Variants in SYNGR4 observed in about 807,000 individuals in gnomAD.
SYNGR4 encodes the protein synaptogyrin 4, also known as synaptogyrin-4.
In SYNGR4, 15 loss-of-function variants were observed where a neutral mutation model predicts 15.5. The ratio of observed to expected loss-of-function variants is 0.97; its 90% CI spans 0.65 to 1.49. SYNGR4 has a LOEUF of 1.49. SYNGR4 is among the 40% of genes most tolerant of loss of function. The probability of loss-of-function intolerance (pLI) is 0.00; values close to 1 mark genes in which losing one functional copy is unlikely to be tolerated. For synonymous variants in SYNGR4, 121 were observed against 127.4 expected (o/e 0.95, Z 0.34); for missense variants, 292 against 299.3 (o/e 0.98, Z 0.18).
intron 2 of SYNGR4, chr19:48,373,281 A>T: frequency 1.9e-6 from 1 of 539,326 alleles, no homozygotes; most frequent in Non-Finnish European, 3.4e-6. Context: ...GGAGGTGGGG[A>T]GGCTGGGAGG....
At chr19:48,367,228 C>T (rs1377216214) in intron 2 of SYNGR4, among the ~76,000 whole-genome samples, 1 of 151,602 alleles carries the variant, frequency 6.6e-6, no homozygotes, top group Admixed American at 6.6e-5. Context: ...GTGAGGAGAT[C>T]GAGACCATCC....
At chr19:48,369,099 C>T (rs116431111) in intron 2 of SYNGR4, among the ~76,000 whole-genome samples, 3,367 of 152,222 alleles carry the variant, frequency 0.022, 122 homozygotes, top group African/African-American at 0.076. Flanking sequence ...CGGACTTTGC[C>T]CGCCGCCTCC....
intron 2 of SYNGR4, among the ~76,000 whole-genome samples, chr19:48,366,680 A>G (rs1600940419): frequency 6.6e-6 from 1 of 151,976 alleles, no homozygotes; most frequent in East Asian, 2.0e-4. Context: ...TGCTGGGATT[A>G]TAGGTGTCAG....
intron 4 of SYNGR4, 152 bp from the exon 5 acceptor site, chr19:48,375,933 T>C: frequency 6.6e-7 from 1 of 1,522,352 alleles, no homozygotes; most frequent in East Asian, 2.4e-5. Flanking sequence ...CAGCCCAGCA[T>C]CAGGGCCTGT....
chr19:48,375,365 A>G (rs1191618950), intron 3 of SYNGR4, among the ~76,000 whole-genome samples: 2 of 152,202 alleles, frequency 1.3e-5, no homozygotes, highest in Non-Finnish European at 2.9e-5. Flanking sequence ...AAACCGCTGC[A>G]TGAGGCCGGC....
intron 2 of SYNGR4, chr19:48,373,297 G>C: frequency 1.8e-6 from 1 of 566,676 alleles, no homozygotes; most frequent in Non-Finnish European, 3.2e-6. Context: ...GGAGGAGGCT[G>C]GGGCAAGGGC....
intron 3 of SYNGR4, among the ~76,000 whole-genome samples, chr19:48,374,563 C>T (rs1029047863): frequency 6.6e-5 from 10 of 152,240 alleles, no homozygotes; most frequent in African/African-American, 2.2e-4. Flanking sequence ...CCAAGGGAGC[C>T]TTAGAAGGTC....
rs190276305 is a variant in SYNGR4, at chr19:48,370,633, C to T, written c.94-2884C>T. 5.3e-5 allele frequency among the ~76,000 whole-genome samples: 8 copies of T among 152,170 alleles called. No homozygotes were observed. The East Asian group carries it at 9.7e-4, about 18-fold the overall frequency. ...GGAGTGCAGTGGTGCGATCACAGCTCACTGCAGTCCAGACCTCGTGGGTTC... is the reference window on the plus strand; with the variant it reads ...GGAGTGCAGTGGTGCGATCACAGCTTACTGCAGTCCAGACCTCGTGGGTTC... On this transcript the variant is annotated intron_variant, in intron 2 of 4. Transcript: ENST00000344846.
chr19:48,376,232 A>G lies in SYNGR4; in HGVS notation c.619A>G (p.Asn207Asp). 7.4e-6 allele frequency: 12 copies of G among 1,613,990 alleles called. No individual in the cohort carries two copies. The highest frequency in any genetic ancestry group is 9.3e-6 in the Non-Finnish European group (11 of 1,179,982). The change falls in exon 5 of 5, where the codon AAC (asparagine) becomes GAC (aspartate). Residue 207 changes from asparagine (N) to aspartate (D), a missense_variant. Transcript: ENST00000344846. Reference protein sequence around the residue: ...SPVNMPTTGPNSLSYASSALS... With the variant: ...SPVNMPTTGPDSLSYASSALS... ...TGTGAACATGCCCACCACTGGCCCC[A>G]ACAGCCTGAGTTATGCTAGCTCTGC...
intron 2 of SYNGR4, among the ~76,000 whole-genome samples, chr19:48,371,204 T>C (rs977031875): frequency 1.3e-5 from 2 of 152,178 alleles, no homozygotes; most frequent in African/African-American, 2.4e-5. Context: ...CCATCCACCC[T>C]GCCGGGAATG....
chr19:48,365,277 AAC>A (rs1491253383), intron 1 of SYNGR4, among the ~76,000 whole-genome samples: 1 of 91,036 alleles, frequency 1.1e-5, no homozygotes, highest in Admixed American at 1.2e-4. Flanking sequence ...CATTCCTGGG[AAC>A]CCCCAGCACC....
chr19:48,367,941 A>G (rs1182234742), intron 2 of SYNGR4, among the ~76,000 whole-genome samples: 1 of 152,210 alleles, frequency 6.6e-6, no homozygotes, highest in Non-Finnish European at 1.5e-5. Flanking sequence ...AGGTCTTAGG[A>G]GTAGGTGGAG....
At chr19:48,375,777 C>G (rs781777240) in intron 4 of SYNGR4, 25 bp downstream of exon 4, 23 of 1,604,280 alleles carry the variant, frequency 1.4e-5, no homozygotes, top group East Asian at 6.7e-5. Context: ...CTCCACCACC[C>G]CTCCCTAGGA....
chr19:48,365,064 T>C (rs1301772445), intron 1 of SYNGR4, among the ~76,000 whole-genome samples: 2 of 105,360 alleles, frequency 1.9e-5, no homozygotes, highest in African/African-American at 3.8e-5. Context: ...CCCCAGGCCC[T>C]CACCTCTCTG....
At position 48,365,795 on chromosome 19, in the gene SYNGR4, A is replaced by G. The variant is rs758522970; in HGVS notation, c.-48A>G. ...CGGCAGTGCCCAGCAGGCAGCGCCC[A>G]GCACCCTGGCTCCCACCTCCCAGTG... On this transcript the variant is annotated 5_prime_UTR_variant, in exon 2 of 5. Transcript: ENST00000344846. 5 of 1,605,190 alleles carry G rather than the reference A, an allele frequency of 3.1e-6. No individual in the cohort carries two copies. The East Asian group carries it at 1.1e-4, about 36-fold the overall frequency.
At chr19:48,375,484 A>C in intron 3 of SYNGR4, 129 bp from the exon 4 acceptor site, 1 of 1,234,158 alleles carries the variant, frequency 8.1e-7, no homozygotes. Flanking sequence ...AAGCTAATAA[A>C]AAAAGTATTT....
chr19:48,375,530 C>T (rs1970387565), intron 3 of SYNGR4, 83 bp from the exon 4 acceptor site: 2 of 1,527,796 alleles, frequency 1.3e-6, no homozygotes, highest in Non-Finnish European at 1.8e-6. Context: ...AGCAAGACCA[C>T]CAGCCCCATC....
chr19:48,375,987 G>T lies in SYNGR4; in HGVS notation c.472-98G>T, dbSNP rs750412762. The T allele has an allele frequency of 4.4e-6, 7 of 1,583,220 alleles. No homozygotes were observed. In the South Asian group the frequency reaches 7.9e-5, roughly 18 times the overall value. On this transcript the variant is annotated intron_variant, in intron 4 of 4. Coordinates refer to ENST00000344846, the MANE Select transcript of SYNGR4 (RefSeq NM_012451.4). ...TGGGCAGTGAGCAGTCCAAACACCG[G>T]TATCTTTTGTCTCCTTCCCAGGCCA... is the stretch of plus-strand genomic sequence containing the variant.
chr19:48,371,264 G>T (rs868262932), intron 2 of SYNGR4, among the ~76,000 whole-genome samples: 10 of 152,130 alleles, frequency 6.6e-5, no homozygotes, highest in African/African-American at 2.4e-4. Flanking sequence ...TTAAGGTCCA[G>T]TTCAGAACTC....
Sources: gnomAD v4.1 joint callset for allele counts (sites outside exome capture counted in the v4.1 genomes callset) on GRCh38, gnomAD v4.1.1 for gene constraint, MANE v1.5 for transcripts, NCBI Gene and HGNC (gene_info 2026-07-23, HGNC 2026-07-21) for gene names.